The following PLXDC2 variants were observed in gnomAD, a reference collection of about 807,000 sequenced individuals.
PLXDC2 encodes the protein plexin domain containing 2.
A neutral mutation model predicts 68.9 loss-of-function variants in PLXDC2; 40 were observed. The observed-to-expected ratio is 0.58, with a 90% confidence interval of 0.45 to 0.76. The LOEUF (loss-of-function observed/expected upper bound fraction) is 0.76. Among genes scored for constraint, PLXDC2 ranks in the 30% least tolerant of loss-of-function variants. The pLI is 0.00. For synonymous variants in PLXDC2, 243 were observed against 234.2 expected (o/e 1.04, Z -0.34); for missense variants, 644 against 661.9 (o/e 0.97, Z 0.30).
intron 1 of PLXDC2, among the ~76,000 whole-genome samples, chr10:19,944,997 A>T (rs975381092): frequency 2.0e-5 from 3 of 152,192 alleles, no homozygotes; most frequent in African/African-American, 4.8e-5. Context: ...AGCATTGGTT[A>T]CTGCTTTCCG....
At chr10:20,101,923 G>A (rs1564315651) in intron 4 of PLXDC2, among the ~76,000 whole-genome samples, 2 of 151,772 alleles carry the variant, frequency 1.3e-5, no homozygotes, top group East Asian at 1.9e-4. Context: ...TCAGCTTCCC[G>A]AGTAGCTGGG....
At chr10:20,085,360 G>A (rs1373325646) in intron 4 of PLXDC2, among the ~76,000 whole-genome samples, 1 of 152,106 alleles carries the variant, frequency 6.6e-6, no homozygotes, top group Non-Finnish European at 1.5e-5. Context: ...TCTCTAAAAT[G>A]TCCTTAGCTG....
At chr10:19,871,822 G>T (rs1589511618) in intron 1 of PLXDC2, among the ~76,000 whole-genome samples, 1 of 150,498 alleles carries the variant, frequency 6.6e-6, no homozygotes, top group African/African-American at 2.4e-5. Flanking sequence ...GGAGGCGGAG[G>T]TTGCAGTGAG....
At chr10:19,886,743 C>T (rs1837854019) in intron 1 of PLXDC2, among the ~76,000 whole-genome samples, 1 of 152,162 alleles carries the variant, frequency 6.6e-6, no homozygotes, top group Admixed American at 6.5e-5. Flanking sequence ...CTCACCACTC[C>T]TATTCAACAT....
At chr10:19,950,266 A>G (rs1410426827) in intron 1 of PLXDC2, among the ~76,000 whole-genome samples, 3 of 152,200 alleles carry the variant, frequency 2.0e-5, no homozygotes, top group Admixed American at 1.3e-4. Flanking sequence ...AGAAAACCCT[A>G]AAGACTCTAC....
At chr10:19,914,404 A>G (rs569118080) in intron 1 of PLXDC2, among the ~76,000 whole-genome samples, 5 of 152,176 alleles carry the variant, frequency 3.3e-5, no homozygotes, top group Non-Finnish European at 7.3e-5. Flanking sequence ...ATTTACTTGC[A>G]TTACAGAGTG....
intron 1 of PLXDC2, among the ~76,000 whole-genome samples, chr10:19,879,851 T>A (rs1379993361): frequency 6.6e-6 from 1 of 152,166 alleles, no homozygotes; most frequent in East Asian, 1.9e-4. Flanking sequence ...CTCTTGGCCA[T>A]TCTGAATGTT....
chr10:20,034,348 G>T (rs78632939), intron 2 of PLXDC2, among the ~76,000 whole-genome samples: 2,681 of 152,190 alleles, frequency 0.018, 76 homozygotes, highest in African/African-American at 0.061. Flanking sequence ...AATATCCTCT[G>T]TATTCTCTTT....
intron 3 of PLXDC2, among the ~76,000 whole-genome samples, chr10:20,065,141 A>G (rs2131703346): frequency 6.6e-6 from 1 of 152,356 alleles, no homozygotes; most frequent in African/African-American, 2.4e-5. Flanking sequence ...CAAGGCTTAA[A>G]GAATATGGAA....
At chr10:20,201,925 A>C (rs10740970) in intron 9 of PLXDC2, among the ~76,000 whole-genome samples, 141,273 of 152,172 alleles carry the variant, frequency 0.93, 65,654 homozygotes, top group Non-Finnish European at 0.95. Context: ...GTAAAACTAA[A>C]ACCATCTTAG....
intron 1 of PLXDC2, among the ~76,000 whole-genome samples, chr10:19,906,708 C>T (rs1019085590): frequency 1.3e-5 from 2 of 152,034 alleles, no homozygotes; most frequent in Non-Finnish European, 2.9e-5. Context: ...AGTCAGAAGG[C>T]CCCAGCACCA....
intron 1 of PLXDC2, among the ~76,000 whole-genome samples, chr10:19,960,911 T>A (rs1360003064): frequency 1.3e-5 from 2 of 152,262 alleles, no homozygotes; most frequent in Non-Finnish European, 2.9e-5. Context: ...ATAAAATCAA[T>A]GGAGGCTTAA....
intron 1 of PLXDC2, among the ~76,000 whole-genome samples, chr10:19,841,193 CT>C (rs1358158723): frequency 6.6e-6 from 1 of 152,076 alleles, no homozygotes; most frequent in Non-Finnish European, 1.5e-5. Flanking sequence ...CAGATGGAGG[CT>C]TGTTTCTTAG....
Position 19,824,894 on chromosome 10 carries a change from G to A in PLXDC2, c.112+7703G>A, listed in dbSNP as rs868409493. On this transcript the variant is annotated intron_variant, in intron 1 of 13. Transcript: ENST00000377252. Reference sequence around the variant, plus strand: ...ATTTGTATATTTAAATAGAATTAGAGGTCTTGTCAGGGGCCTGTTTGGAAT... The same window carrying A: ...ATTTGTATATTTAAATAGAATTAGAAGTCTTGTCAGGGGCCTGTTTGGAAT... 3.3e-5 allele frequency among the ~76,000 whole-genome samples: 5 copies of A among 152,144 alleles called. No individual in the cohort carries two copies. The South Asian group carries it at 1.0e-3, about 32-fold the overall frequency.
At chr10:19,817,264 A>G in intron 1 of PLXDC2, 73 bp downstream of exon 1, 2 of 1,225,890 alleles carry the variant, frequency 1.6e-6, no homozygotes, top group South Asian at 1.3e-5. Context: ...CGTGCTCCCT[A>G]CCCTCTCCCC....
At chr10:19,858,993 C>T (rs974065684) in intron 1 of PLXDC2, among the ~76,000 whole-genome samples, 7 of 150,392 alleles carry the variant, frequency 4.7e-5, no homozygotes, top group Non-Finnish European at 1.0e-4. Context: ...TGAAGGGAAG[C>T]AGGGAACCCA....
chr10:19,926,781 ACT>A (rs1326489881), intron 1 of PLXDC2, among the ~76,000 whole-genome samples: 2 of 152,168 alleles, frequency 1.3e-5, no homozygotes, highest in African/African-American at 4.8e-5. Context: ...GAAATAAGAC[ACT>A]CTATGTGGTG....
intron 9 of PLXDC2, among the ~76,000 whole-genome samples, chr10:20,203,919 CA>C (rs1420481222): frequency 2.6e-5 from 4 of 152,138 alleles, no homozygotes; most frequent in Non-Finnish European, 4.4e-5. Context: ...CTACAAGTAG[CA>C]TCAAGATCTT....
In PLXDC2 at chr10:20,287,515, G is replaced by A. The variant is rs889470721; in HGVS notation, c.*7696G>A. On this transcript the variant is annotated 3_prime_UTR_variant, in exon 14 of 14. Transcript: ENST00000377252. ...AGCCTCAGCCACCATGTTCAAGGTG[G>A]TTTGAATGAAAACATACTCAGATTG... The A allele has an allele frequency of 2.6e-5, 4 of 151,852 alleles. No individual in the cohort carries two copies. Among genetic ancestry groups the A allele is most frequent in the African/African-American group, 4.8e-5 (2 of 41,432 alleles). 9.4% of individuals were successfully genotyped at this position (151,852 alleles called of 1,614,324 possible).
Sources: gnomAD v4.1 joint callset for allele counts (sites outside exome capture counted in the v4.1 genomes callset) on GRCh38, gnomAD v4.1.1 for gene constraint, MANE v1.5 for transcripts, NCBI Gene and HGNC (gene_info 2026-07-23, HGNC 2026-07-21) for gene names.